The following TNNT3 variants were observed in gnomAD, a reference collection of about 807,000 sequenced individuals.
The protein encoded by TNNT3 is troponin T, fast skeletal muscle.
Under a neutral mutation model 54.2 loss-of-function variants are expected in TNNT3, and 36 were observed. The ratio of observed to expected loss-of-function variants is 0.66; its 90% CI spans 0.51 to 0.88. TNNT3 has a LOEUF of 0.88. Ranked by LOEUF, TNNT3 falls within the 40% of genes least tolerant of loss-of-function variation. The pLI is 0.00. For missense variants in TNNT3, 291 were observed against 331.6 expected (o/e 0.88, Z 0.95); for synonymous variants, 120 against 109.7 (o/e 1.09, Z -0.59).
chr11:1,934,502 C>G (rs751555517), intron 12 of TNNT3, 44 bp from the exon 13 acceptor site: 1 of 1,606,962 alleles, frequency 6.2e-7, no homozygotes, highest in Non-Finnish European at 8.5e-7. Context: ...ACGCCCTGTG[C>G]CCTCCTGAGA....
At position 1,938,067 on chromosome 11, in the gene TNNT3, G is replaced by A. The variant is rs1407209808; in HGVS notation, c.723-371G>A. 8.9e-6 allele frequency: 3 copies of A among 336,562 alleles called. No individual in the cohort carries two copies. In the East Asian group the frequency reaches 2.3e-4, roughly 26 times the overall value. 20.8% of individuals were successfully genotyped at this position (336,562 alleles called of 1,614,324 possible). ...ATGGGGCAGGCTCCTGGGCCCCTCA[G>A]AGGCCACCGTCTGGAGGGGCATGAG... is the stretch of plus-strand genomic sequence containing the variant. On this transcript the variant is annotated intron_variant, in intron 15 of 15. Coordinates refer to ENST00000278317, the MANE Select transcript of TNNT3 (RefSeq NM_006757.4).
chr11:1,928,960 T>A, intron 6 of TNNT3, 160 bp from the exon 7 acceptor site: 1 of 831,692 alleles, frequency 1.2e-6, no homozygotes, highest in African/African-American at 1.7e-5. Context: ...GGCCCCAGCT[T>A]GGGGCACTTG....
intron 7 of TNNT3, among the ~76,000 whole-genome samples, chr11:1,929,530 C>A (rs991795241): frequency 2.0e-5 from 3 of 152,236 alleles, no homozygotes; most frequent in African/African-American, 7.2e-5. Flanking sequence ...AAGGACGCGG[C>A]CTGTCTCGCT....
At chr11:1,921,494 T>G (rs1850107331) in intron 1 of TNNT3, 1 of 152,186 alleles carries the variant, frequency 6.6e-6, no homozygotes, top group Admixed American at 6.5e-5. Flanking sequence ...GGCTGAGGAC[T>G]GAGGAGAGCC....
intron 7 of TNNT3, among the ~76,000 whole-genome samples, chr11:1,929,419 GC>G (rs1469231689): frequency 1.3e-5 from 2 of 152,168 alleles, no homozygotes; most frequent in Middle Eastern, 3.2e-3. Context: ...CAGAGCCCGG[GC>G]CGGGCACGCC....
chr11:1,922,676 G>A, intron 1 of TNNT3, 181 bp from the exon 2 acceptor site: 1 of 650,662 alleles, frequency 1.5e-6, no homozygotes, highest in South Asian at 1.7e-5. Context: ...GGGGCCAGGA[G>A]CCCTGGAGAA....
At chr11:1,925,058 C>T (rs1418426227) in intron 4 of TNNT3, 41 bp from the exon 5 acceptor site, 2 of 1,611,060 alleles carry the variant, frequency 1.2e-6, no homozygotes, top group Non-Finnish European at 1.7e-6. Context: ...CTGTCTCCCT[C>T]AACCCCGCCT....
chr11:1,929,907 A>G lies in TNNT3; in HGVS notation c.125+79A>G. On this transcript the variant is annotated intron_variant, in intron 8 of 15. Transcript: ENST00000278317. ...GGTCAAGTGAGTGTGGGGTCCTGGC[A>G]GGCCCAGTGCCGAGTGTGTTCTGGG... The G allele has an allele frequency of 2.0e-6, 3 of 1,522,854 alleles. No individual in the cohort carries two copies. The South Asian group carries it at 3.6e-5, about 19-fold the overall frequency. The allele number at this position is 1,522,854 out of a possible 1,614,324, so 94.3% of individuals were successfully genotyped here. A position where few individuals can be genotyped will look rare whatever the true frequency, so the allele number is the denominator to read the frequency against.
intron 8 of TNNT3, among the ~76,000 whole-genome samples, chr11:1,930,685 C>T (rs1853118208): frequency 6.6e-6 from 1 of 152,202 alleles, no homozygotes; most frequent in Non-Finnish European, 1.5e-5. Flanking sequence ...TTGGCTCCCA[C>T]TTGGGGAGCA....
intron 8 of TNNT3, among the ~76,000 whole-genome samples, chr11:1,931,738 A>G (rs905241248): frequency 1.0e-5 from 1 of 96,288 alleles, no homozygotes; most frequent in African/African-American, 3.9e-5. Flanking sequence ...TTTTTTTTTC[A>G]CATACATACG....
In TNNT3 at chr11:1,919,984, A is replaced by G. The variant is rs551579142; in HGVS notation, c.-19+222A>G. ...GCGGACATGGTGGTGTGATGGTCTC[A>G]GCACCGGGAGGATGCAGAAGAAGGC... On this transcript the variant is annotated intron_variant, in intron 1 of 15. Coordinates refer to ENST00000278317, the MANE Select transcript of TNNT3 (RefSeq NM_006757.4). Among the ~76,000 whole-genome samples, 7 of 152,306 alleles carry G rather than the reference A, an allele frequency of 4.6e-5. No homozygotes were observed. The East Asian group carries it at 1.4e-3, about 29-fold the overall frequency.
intron 14 of TNNT3, 179 bp downstream of exon 14, chr11:1,935,098 T>C: frequency 1.4e-6 from 1 of 694,010 alleles, no homozygotes; most frequent in South Asian, 1.5e-5. Flanking sequence ...TGCTGGGGAC[T>C]GTGGCCAGAG....
Position 1,935,161 on chromosome 11 carries a change from T to A in TNNT3, c.681+242T>A. On this transcript the variant is annotated intron_variant, in intron 14 of 15. Coordinates refer to ENST00000278317, the MANE Select transcript of TNNT3 (RefSeq NM_006757.4). ...CCCTGAGCGATGAACCTGGCCCCTTTGGGCGGCCTTGGTTACCCCTGCCAA... is the reference window on the plus strand; with the variant it reads ...CCCTGAGCGATGAACCTGGCCCCTTAGGGCGGCCTTGGTTACCCCTGCCAA... 5.1e-6 allele frequency: 3 copies of A among 589,238 alleles called. No homozygotes were observed. In the South Asian group the frequency reaches 5.8e-5, roughly 11 times the overall value. The allele number at this position is 589,238 out of a possible 1,614,324, so 36.5% of individuals were successfully genotyped here. A position where few individuals can be genotyped will look rare whatever the true frequency, so the allele number is the denominator to read the frequency against.
chr11:1,934,865 G>A lies in TNNT3; in HGVS notation c.627G>A (p.Gln209=), dbSNP rs1589994823. 2 of 1,613,654 alleles carry A rather than the reference G, an allele frequency of 1.2e-6. No homozygotes were observed. Among genetic ancestry groups the A allele is most frequent in the Non-Finnish European group, 8.5e-7 (1 of 1,180,026 alleles). ...AGGAGCTCTGGGAGACCCTGCACCA[G>A]CTGGAGATTGACAAGTTCGAGTTTG... The part of the protein sequence containing the change: ...KAKELWETLH[Q]LEIDKFEFGE... Residue 209 remains glutamine, a synonymous_variant, in exon 14 of 16, where the codon CAG becomes CAA. Coordinates refer to ENST00000278317, the MANE Select transcript of TNNT3 (RefSeq NM_006757.4).
intron 6 of TNNT3, chr11:1,928,128 G>A (rs1281590035): frequency 1.3e-5 from 2 of 152,890 alleles, no homozygotes; most frequent in South Asian, 2.1e-4. Flanking sequence ...CAGGCCTGCT[G>A]GCCTTAGCCA....
intron 7 of TNNT3, 84 bp downstream of exon 7, chr11:1,929,227 C>T: frequency 1.4e-6 from 2 of 1,476,480 alleles, no homozygotes; most frequent in Non-Finnish European, 1.9e-6. Context: ...GGGTCTCTCG[C>T]TGCCCTGCCT....
At chr11:1,922,988 A>G (rs1370423414) in intron 2 of TNNT3, 60 bp from the exon 3 acceptor site, 9 of 1,613,490 alleles carry the variant, frequency 5.6e-6, no homozygotes, top group Non-Finnish European at 3.4e-6. Flanking sequence ...CACAAGTCCA[A>G]GCAAAGCCCA....
chr11:1,920,979 G>C (rs373303696), intron 1 of TNNT3, among the ~76,000 whole-genome samples: 1 of 152,150 alleles, frequency 6.6e-6, no homozygotes, highest in Admixed American at 6.5e-5. Flanking sequence ...CCTTTCCAGC[G>C]CACGTCGGGG....
At chr11:1,919,960 C>T (rs1056632812) in intron 1 of TNNT3, among the ~76,000 whole-genome samples, 198 bp downstream of exon 1, 27 of 152,132 alleles carry the variant, frequency 1.8e-4, no homozygotes, top group Admixed American at 4.6e-4. Flanking sequence ...GTCTGGGATG[C>T]GGACATGGTG....
Sources: allele counts gnomAD v4.1 joint callset (sites outside exome capture counted in the v4.1 genomes callset), GRCh38; gene constraint gnomAD v4.1.1; transcripts MANE v1.5; gene names NCBI Gene and HGNC (gene_info 2026-07-23, HGNC 2026-07-21).